EWSR1: variants seen among roughly 807,000 people sequenced by gnomAD.
EWSR1 encodes EWS RNA binding protein 1, also known as RNA-binding protein EWS.
EWSR1 carries 14 observed loss-of-function variants against 92.1 expected under a neutral mutation model. The ratio of observed to expected loss-of-function variants is 0.15; its 90% confidence interval spans 0.10 to 0.24. The LOEUF is 0.24. EWSR1 is among the 10% of genes least tolerant of loss of function. The pLI, the probability that EWSR1 is intolerant of heterozygous loss-of-function variation, is 1.00. For missense variants in EWSR1, 637 were observed against 870.9 expected (o/e 0.73, Z 3.38); for synonymous variants, 303 against 292.9 (o/e 1.03, Z -0.35).
At chr22:29,291,980 T>TA (rs72547475) in intron 9 of EWSR1, 157 bp from the exon 10 acceptor site, 2 of 709,696 alleles carry the variant, frequency 2.8e-6, no homozygotes, top group East Asian at 2.6e-5. Context: ...TCACAAATGT[T>TA]AAAGAGACAC....
intron 5 of EWSR1, among the ~76,000 whole-genome samples, chr22:29,280,489 T>C (rs1255524844): frequency 6.6e-6 from 1 of 152,172 alleles, no homozygotes; most frequent in Non-Finnish European, 1.5e-5. Flanking sequence ...TCCTTGGAAC[T>C]GAGATTAATT....
intron 8 of EWSR1, chr22:29,290,408 T>C: frequency 6.2e-7 from 1 of 1,609,752 alleles, no homozygotes; most frequent in Non-Finnish European, 8.5e-7. Flanking sequence ...ATTTATATGC[T>C]ACAGGTTACA....
At chr22:29,275,641 C>T (rs1382456454) in intron 4 of EWSR1, 1 of 229,664 alleles carries the variant, frequency 4.4e-6, no homozygotes, top group Non-Finnish European at 8.6e-6. Context: ...AGCACACATG[C>T]TGCATTTTTC....
intron 8 of EWSR1, chr22:29,290,277 T>G: frequency 1.3e-6 from 1 of 741,060 alleles, no homozygotes; most frequent in Non-Finnish European, 2.2e-6. Flanking sequence ...GTGGTGATGG[T>G]TTTCAGTGTC....
At position 29,299,795 on chromosome 22, in the gene EWSR1, G is replaced by A; in HGVS notation, c.1875G>A (p.Leu625=). ...GCCCTGGGGGGCCCCCTGGACCTTT[G>A]ATGGAACAGATGGGAGGAAGAAGAG... ...RGGPGGPPGP[L]MEQMGGRRGG... is the part of the protein sequence containing the mutation. The change falls in exon 16 of 17, where the codon TTG becomes TTA. Residue 625 remains leucine (L), a synonymous_variant. Coordinates refer to ENST00000397938, the MANE Select transcript of EWSR1 (RefSeq NM_005243.4). 3 of 1,579,796 alleles carry A rather than the reference G, an allele frequency of 1.9e-6. No individual in the cohort carries two copies. Among genetic ancestry groups the A allele is most frequent in the Non-Finnish European group, 2.6e-6 (3 of 1,159,882 alleles).
At chr22:29,286,210 A>G (rs2060017654) in intron 6 of EWSR1, among the ~76,000 whole-genome samples, 1 of 150,714 alleles carries the variant, frequency 6.6e-6, no homozygotes, top group East Asian at 2.0e-4. Flanking sequence ...GGAGTACAGT[A>G]GCGGATCTCA....
rs376786758 is a variant in EWSR1, at chr22:29,277,772, T to G, written c.227-258T>G. The stretch of plus-strand genomic sequence containing the variant: ...AGAGGGGGCAGAAGGAACCCTGTTT[T>G]CTGTAGCATGACATGCCATTTCTGT... On this transcript the variant is annotated intron_variant, in intron 4 of 16. Transcript: ENST00000397938. 1.2e-4 allele frequency: 52 copies of G among 435,210 alleles called. No homozygotes were observed. The East Asian group carries it at 1.9e-3, about 16-fold the overall frequency. 27.0% of individuals were successfully genotyped at this position (435,210 alleles called of 1,614,324 possible). A position where few individuals can be genotyped will look rare whatever the true frequency, so the allele number is the denominator to read the frequency against.
Position 29,286,892 on chromosome 22 carries a change from C to CTT in EWSR1, c.582-20_582-19dup, listed in dbSNP as rs754136243. ...AATAACAAGCCTCTTTCTAAAAAAG[C>CTT]TTTTTTTTTTTTCTCTTCTCTCTCT... On this transcript the variant is annotated intron_variant, in intron 6 of 16. Coordinates refer to ENST00000397938, the MANE Select transcript of EWSR1 (RefSeq NM_005243.4). The CTT allele has an allele frequency of 6.0e-4, 725 of 1,209,072 alleles. 2 individuals are homozygous for CTT. The South Asian group carries it at 8.3e-3, about 14-fold the overall frequency. 74.9% of individuals were successfully genotyped at this position (1,209,072 alleles called of 1,614,324 possible).
At position 29,268,271 on chromosome 22, in the gene EWSR1, G is replaced by T; in HGVS notation, c.-66G>T. On this transcript the variant is annotated 5_prime_UTR_variant, in exon 1 of 17. Transcript: ENST00000397938. ...GGGTTGCGAGATTTGCGCCTGCGCA[G>T]TGCGGCGCCTAGAGGGAAAGCGAGA... The T allele has an allele frequency of 1.3e-6, 2 of 1,593,844 alleles. No individual in the cohort carries two copies. The highest frequency in any genetic ancestry group is 1.7e-5 in the Admixed American group (1 of 60,014).
rs1268540864 is a variant in EWSR1 at position 29,292,619 on chromosome 22, A to C, written c.1164+13A>C. On this transcript the variant is annotated intron_variant, in intron 11 of 16. Transcript: ENST00000397938. ...TGGGGTTGTTAAGGTCAGTAAAAGC[A>C]TAACCAGGTCATCTGGCAGAACTTT... 6.5e-7 allele frequency: 1 copy of C among 1,527,044 alleles called. No individual in the cohort carries two copies. Among genetic ancestry groups the C allele is most frequent in the Admixed American group, 1.7e-5 (1 of 59,618 alleles). 94.6% of individuals were successfully genotyped at this position (1,527,044 alleles called of 1,614,324 possible).
At chr22:29,285,901 T>G (rs1054293016) in intron 6 of EWSR1, among the ~76,000 whole-genome samples, 2,597 of 150,228 alleles carry the variant, frequency 0.017, 88 homozygotes, top group African/African-American at 0.063. Flanking sequence ...GCAGTGGCAC[T>G]ATCTCGGCTC....
At position 29,277,800 on chromosome 22, in the gene EWSR1, G is replaced by A. The variant is rs188911438; in HGVS notation, c.227-230G>A. Reference sequence around the variant, plus strand: ...GTAGCATGACATGCCATTTCTGTTAGGTGTGGTTTTAGAGCAAATGAGACA... The same window carrying A: ...GTAGCATGACATGCCATTTCTGTTAAGTGTGGTTTTAGAGCAAATGAGACA... On this transcript the variant is annotated intron_variant, in intron 4 of 16. Transcript: ENST00000397938. 20 of 492,844 alleles carry A rather than the reference G, an allele frequency of 4.1e-5. No individual in the cohort carries two copies. In the East Asian group the frequency reaches 6.4e-4, roughly 16 times the overall value. The allele number at this position is 492,844 out of a possible 1,614,324, so 30.5% of individuals were successfully genotyped here.
In EWSR1 at chr22:29,293,754, G is replaced by A. The variant is rs148609601; in HGVS notation, c.1164+1148G>A. On this transcript the variant is annotated intron_variant, in intron 11 of 16. Transcript: ENST00000397938. ...TAATTTTTGTATTTTTAGTAGAGAT[G>A]GGGTTTGGTGAAACCATGTTGGTCA... 2.6e-3 allele frequency among the ~76,000 whole-genome samples: 393 copies of A among 151,882 alleles called. 2 individuals carry two copies. The highest frequency in any genetic ancestry group is 9.2e-3 in the African/African-American group (380 of 41,440).
intron 15 of EWSR1, 75 bp from the exon 16 acceptor site, chr22:29,299,524 G>T: frequency 6.6e-7 from 1 of 1,513,722 alleles, no homozygotes; most frequent in South Asian, 1.3e-5. Context: ...GAAGGAAGCA[G>T]AGCAGCTTCC....
chr22:29,282,317 C>G, intron 5 of EWSR1, 73 bp from the exon 6 acceptor site: 1 of 1,225,732 alleles, frequency 8.2e-7, no homozygotes, highest in Non-Finnish European at 1.1e-6. Flanking sequence ...GCATTCTTAC[C>G]CAGGAGTTTT....
intron 6 of EWSR1, among the ~76,000 whole-genome samples, chr22:29,283,653 G>A (rs1462995092): frequency 1.3e-5 from 2 of 150,704 alleles, no homozygotes; most frequent in African/African-American, 5.0e-5. Context: ...AGCCTCCTGA[G>A]TAGCTGGGAT....
Position 29,299,727 on chromosome 22 carries a change from C to T in EWSR1, c.1807C>T (p.Arg603Trp). Residue 603 changes from arginine to tryptophan, a missense_variant, in exon 16 of 17, where the codon CGG becomes TGG. Physicochemically the swap from Arg to Trp is moderately radical, Grantham distance 101. This residue lies in a region of EWSR1 where 363 missense variants were observed against 447.8 expected (regional missense o/e 0.81). Transcript: ENST00000397938. ...GGDRGGFRGG[R>W]GMDRGGFGGG... is the part of the protein sequence containing the mutation. The stretch of plus-strand genomic sequence containing the variant: ...AGACAGAGGTGGCTTCCGTGGTGGC[C>T]GGGGCATGGACCGAGGTGGCTTTGG... 3.1e-6 allele frequency: 5 copies of T among 1,611,548 alleles called. No homozygotes were observed. The highest frequency in any genetic ancestry group is 4.2e-6 in the Non-Finnish European group (5 of 1,178,656).
chr22:29,292,820 A>G (rs950588390), intron 11 of EWSR1, among the ~76,000 whole-genome samples: 1 of 146,622 alleles, frequency 6.8e-6, no homozygotes, highest in African/African-American at 2.5e-5. Flanking sequence ...GCTGGAGTGC[A>G]ATGGCGCAAG....
chr22:29,293,043 C>G (rs1001418460), intron 11 of EWSR1, among the ~76,000 whole-genome samples: 4 of 152,100 alleles, frequency 2.6e-5, no homozygotes, highest in Non-Finnish European at 5.9e-5. Context: ...TGATCCCCTA[C>G]GCCCGGCCTT....
Sources: gnomAD v4.1 joint callset for allele counts (sites outside exome capture counted in the v4.1 genomes callset) on GRCh38, gnomAD v4.1.1 for gene constraint, gnomAD v4.1.1 regional missense constraint, MANE v1.5 for transcripts, NCBI Gene and HGNC (gene_info 2026-07-23, HGNC 2026-07-21) for gene names.